Variants in NAA35 observed in about 807,000 individuals in gnomAD.
The protein encoded by NAA35 is MAK10 homolog, amino-acid N-acetyltransferase subunit.
Under a neutral mutation model 101.7 loss-of-function variants are expected in NAA35, and 18 were observed. That is an observed-to-expected ratio of 0.18 (90% CI 0.12 to 0.26). The LOEUF is 0.26. Ranked by LOEUF, NAA35 falls within the 10% of genes least tolerant of loss-of-function variation. NAA35 has a pLI of 1.00. For synonymous variants in NAA35, 267 were observed against 273.1 expected (o/e 0.98, Z 0.22); for missense variants, 601 against 886.8 (o/e 0.68, Z 4.09).
intron 6 of NAA35, among the ~76,000 whole-genome samples, chr9:85,964,274 G>T (rs541385369): frequency 6.6e-6 from 1 of 151,886 alleles, no homozygotes; most frequent in African/African-American, 2.4e-5. Flanking sequence ...TCACTTATGC[G>T]CGTGCTCCTG....
At chr9:85,971,010 G>T (rs922260195) in intron 6 of NAA35, among the ~76,000 whole-genome samples, 2 of 152,082 alleles carry the variant, frequency 1.3e-5, no homozygotes. Flanking sequence ...TCTAAGCTCA[G>T]CTCCTCCACT....
At chr9:85,960,125 T>C (rs1829450286) in intron 5 of NAA35, among the ~76,000 whole-genome samples, 1 of 152,238 alleles carries the variant, frequency 6.6e-6, no homozygotes, top group Non-Finnish European at 1.5e-5. Flanking sequence ...TAATACCCTT[T>C]TCGTTCTCAA....
chr9:85,953,892 A>G (rs770467961), intron 2 of NAA35, among the ~76,000 whole-genome samples: 4 of 152,136 alleles, frequency 2.6e-5, no homozygotes, highest in Non-Finnish European at 5.9e-5. Flanking sequence ...ATAATATTCC[A>G]TTGTATGTGT....
chr9:85,954,325 C>A (rs1186874171), intron 2 of NAA35, among the ~76,000 whole-genome samples: 1 of 152,180 alleles, frequency 6.6e-6, no homozygotes, highest in Non-Finnish European at 1.5e-5. Context: ...TTAGGCAGTC[C>A]TCCTGCCTTG....
At chr9:85,945,664 G>A (rs1047437226) in intron 2 of NAA35, among the ~76,000 whole-genome samples, 5 of 151,828 alleles carry the variant, frequency 3.3e-5, no homozygotes, top group East Asian at 1.9e-4. Context: ...GACTACAGGC[G>A]CCCGTCACCA....
Position 85,962,540 on chromosome 9 carries a change from A to G in NAA35, c.516+360A>G, listed in dbSNP as rs375165266. Among the ~76,000 whole-genome samples the G allele has an allele frequency of 5.3e-5, 8 of 151,786 alleles. No individual in the cohort carries two copies. In the South Asian group the frequency reaches 1.7e-3, roughly 32 times the overall value. On this transcript the variant is annotated intron_variant, in intron 6 of 22. Coordinates refer to ENST00000361671, the MANE Select transcript of NAA35 (RefSeq NM_024635.4). ...AAAAAAGAATTTCTGAAGTTCATTGACTACCTTATTCACTGTGATGTATTT... is the reference window on the plus strand; with the variant it reads ...AAAAAAGAATTTCTGAAGTTCATTGGCTACCTTATTCACTGTGATGTATTT...
At chr9:85,951,137 C>CA (rs563456145) in intron 2 of NAA35, among the ~76,000 whole-genome samples, 3,072 of 85,850 alleles carry the variant, frequency 0.036, 100 homozygotes, top group African/African-American at 0.11. Flanking sequence ...GACTCCATCT[C>CA]AAAAAAAAAA....
chr9:86,003,822 C>G (rs1241126215), intron 13 of NAA35, among the ~76,000 whole-genome samples, 178 bp downstream of exon 13: 8 of 151,848 alleles, frequency 5.3e-5, no homozygotes, highest in Non-Finnish European at 1.2e-4. Flanking sequence ...AGATCATATC[C>G]TAGGTCATAA....
chr9:85,977,679 G>T (rs1205444196), intron 10 of NAA35, among the ~76,000 whole-genome samples: 1 of 152,062 alleles, frequency 6.6e-6, no homozygotes, highest in Non-Finnish European at 1.5e-5. Context: ...GAAATTACTT[G>T]TAGGTTGTTA....
intron 6 of NAA35, among the ~76,000 whole-genome samples, chr9:85,967,070 C>T (rs61607793): frequency 0.084 from 12,719 of 151,982 alleles, 1,769 homozygotes; most frequent in African/African-American, 0.29. Context: ...ACTCAGGAGG[C>T]GGAGCTTGCA....
intron 6 of NAA35, among the ~76,000 whole-genome samples, chr9:85,967,166 T>G (rs1829780601): frequency 6.6e-6 from 1 of 151,994 alleles, no homozygotes. Context: ...AGGAAGTAAT[T>G]AGAAATGTGG....
At chr9:86,016,181 T>C (rs1192021275) in intron 17 of NAA35, among the ~76,000 whole-genome samples, 1 of 152,084 alleles carries the variant, frequency 6.6e-6, no homozygotes, top group Non-Finnish European at 1.5e-5. Context: ...TTAAGAATGA[T>C]TTTATATAAT....
intron 11 of NAA35, among the ~76,000 whole-genome samples, chr9:85,994,291 A>G (rs1831064540): frequency 1.3e-5 from 2 of 152,078 alleles, no homozygotes; most frequent in African/African-American, 2.4e-5. Context: ...CTGGAACTCT[A>G]CCCCTTAAAC....
intron 6 of NAA35, among the ~76,000 whole-genome samples, chr9:85,971,565 T>A (rs1320321830): frequency 6.6e-6 from 1 of 152,202 alleles, no homozygotes; most frequent in African/African-American, 2.4e-5. Flanking sequence ...ACCTCTAGGC[T>A]TGAGTCTTTC....
chr9:85,994,323 C>G (rs1831065539), intron 11 of NAA35, among the ~76,000 whole-genome samples: 1 of 152,192 alleles, frequency 6.6e-6, no homozygotes, highest in Non-Finnish European at 1.5e-5. Flanking sequence ...GTTCCCTCCT[C>G]CCCACAAACC....
Position 85,993,975 on chromosome 9 carries a change from A to AT in NAA35, c.878-2409dup, listed in dbSNP as rs56865808. Reference sequence around the variant, plus strand: ...AGGCATGAGCCAGGACACCCGGCTAATTTTTTTTTTTTTTTGTAGTGACTG... The same window carrying AT: ...AGGCATGAGCCAGGACACCCGGCTAATTTTTTTTTTTTTTTTGTAGTGACTG... On this transcript the variant is annotated intron_variant, in intron 11 of 22. Coordinates refer to ENST00000361671, the MANE Select transcript of NAA35 (RefSeq NM_024635.4). Among the ~76,000 whole-genome samples, 286 of 143,196 alleles carry AT rather than the reference A, an allele frequency of 2.0e-3. 1 individual carries two copies. The highest frequency in any genetic ancestry group is 5.2e-3 in the South Asian group (23 of 4,452). The allele number at this position is 143,196 out of a possible 152,430, so 93.9% of individuals were successfully genotyped here. A position where few individuals can be genotyped will look rare whatever the true frequency, so the allele number is the denominator to read the frequency against.
At chr9:85,997,637 C>T (rs1039266637) in intron 12 of NAA35, among the ~76,000 whole-genome samples, 1 of 151,642 alleles carries the variant, frequency 6.6e-6, no homozygotes, top group Non-Finnish European at 1.5e-5. Context: ...GTCACTGCAC[C>T]CGGTCAATTT....
intron 11 of NAA35, among the ~76,000 whole-genome samples, chr9:85,985,736 G>T (rs190419559): frequency 2.0e-5 from 3 of 152,130 alleles, no homozygotes; most frequent in Non-Finnish European, 4.4e-5. Flanking sequence ...GGTGAGTTAT[G>T]TGGTATGTTA....
At chr9:85,959,656 T>G in intron 4 of NAA35, 137 bp from the exon 5 acceptor site, 1 of 555,212 alleles carries the variant, frequency 1.8e-6, no homozygotes, top group Non-Finnish European at 3.2e-6. Context: ...GATAGTTTTA[T>G]CAGATGATAA....
Sources: allele counts gnomAD v4.1 joint callset (sites outside exome capture counted in the v4.1 genomes callset), GRCh38; gene constraint gnomAD v4.1.1; transcripts MANE v1.5; gene names NCBI Gene and HGNC (gene_info 2026-07-23, HGNC 2026-07-21).